GRIK2: variants seen among roughly 807,000 people sequenced by gnomAD.
GRIK2 encodes glutamate ionotropic receptor kainate type subunit 2.
Under a neutral mutation model 100.3 loss-of-function variants are expected in GRIK2, and 32 were observed. The observed-to-expected ratio is 0.32, with a 90% CI of 0.24 to 0.43. The LOEUF (loss-of-function observed/expected upper bound fraction) is 0.43. GRIK2 is among the 20% of genes least tolerant of loss of function. GRIK2 has a pLI of 1.00. For synonymous variants in GRIK2, 417 were observed against 389.4 expected (o/e 1.07, Z -0.83); for missense variants, 843 against 1,114.9 (o/e 0.76, Z 3.47).
chr6:102,035,941 A>G lies in GRIK2; in HGVS notation c.2311+375A>G, dbSNP rs182558935. 1.7e-3 allele frequency among the ~76,000 whole-genome samples: 263 copies of G among 151,454 alleles called. 1 individual carries two copies. Among genetic ancestry groups the G allele is most frequent in the Non-Finnish European group, 2.5e-3 (167 of 67,594 alleles). On this transcript the variant is annotated intron_variant, in intron 15 of 16. Coordinates refer to ENST00000369134, the MANE Select transcript of GRIK2 (RefSeq NM_021956.5). ...TTGTGGCTTACAAATATAGTATTTG[A>G]CTTAGAGAGTTAACGAAAATAAGTG... is the stretch of plus-strand genomic sequence containing the variant.
intron 2 of GRIK2, among the ~76,000 whole-genome samples, chr6:101,432,158 G>T (rs2128243254): frequency 6.6e-6 from 1 of 152,152 alleles, no homozygotes. Flanking sequence ...CTCTTGCCAG[G>T]ACCTTCTCCT....
rs553537253 is a variant in GRIK2, at chr6:102,015,337, T to A, written c.2086-20004T>A. 2.0e-5 allele frequency among the ~76,000 whole-genome samples: 3 copies of A among 152,290 alleles called. No individual in the cohort carries two copies. In the East Asian group the frequency reaches 5.8e-4, roughly 29 times the overall value. ...TTTTGAGCCAGTTACTGTGATTGCA[T>A]GTGAAATGGGTTTCCTGAAGACAGC... On this transcript the variant is annotated intron_variant, in intron 14 of 16. Transcript: ENST00000369134.
At chr6:101,945,104 G>A (rs1308637072) in intron 14 of GRIK2, among the ~76,000 whole-genome samples, 3 of 152,080 alleles carry the variant, frequency 2.0e-5, no homozygotes, top group Non-Finnish European at 4.4e-5. Context: ...ATTGCTTTTA[G>A]TACTTAGTTC....
intron 2 of GRIK2, among the ~76,000 whole-genome samples, chr6:101,585,938 T>G (rs1582772001): frequency 6.6e-6 from 1 of 152,144 alleles, no homozygotes; most frequent in South Asian, 2.1e-4. Context: ...GATTAACTTT[T>G]GAACAAGGGA....
intron 2 of GRIK2, among the ~76,000 whole-genome samples, chr6:101,411,278 A>G (rs752849958): frequency 9.2e-5 from 14 of 152,116 alleles, no homozygotes; most frequent in Non-Finnish European, 1.5e-4. Context: ...TATGTTTTAG[A>G]TAGGCATTCT....
chr6:101,711,211 A>G (rs1773672011), intron 7 of GRIK2, among the ~76,000 whole-genome samples: 1 of 151,906 alleles, frequency 6.6e-6, no homozygotes, highest in Non-Finnish European at 1.5e-5. Context: ...CTGAATGTTT[A>G]TGACTAAAAT....
intron 2 of GRIK2, among the ~76,000 whole-genome samples, chr6:101,542,194 T>A (rs1325975013): frequency 1.3e-5 from 2 of 151,930 alleles, no homozygotes; most frequent in African/African-American, 4.8e-5. Context: ...AAAGTAGAAC[T>A]AATCATAGTT....
intron 2 of GRIK2, among the ~76,000 whole-genome samples, chr6:101,402,991 C>G (rs1480168833): frequency 2.0e-5 from 3 of 152,126 alleles, no homozygotes; most frequent in Non-Finnish European, 2.9e-5. Context: ...TTACTTTAGC[C>G]GGTCCTTCTC....
In GRIK2 at chr6:101,814,269, G is replaced by GA. The variant is rs140602753; in HGVS notation, c.1204-4095dup. Among the ~76,000 whole-genome samples the GA allele has an allele frequency of 2.7e-3, 404 of 152,000 alleles. 3 individuals carry two copies. The highest frequency in any genetic ancestry group is 0.013 in the South Asian group (64 of 4,812). On this transcript the variant is annotated intron_variant, in intron 9 of 16. Coordinates refer to ENST00000369134, the MANE Select transcript of GRIK2 (RefSeq NM_021956.5). Reference sequence around the variant, plus strand: ...CAGTAAGAGAAAAAGTTAGGACATTGAAAAAATCTACTAAGGCACTAATTA... The same window carrying GA: ...CAGTAAGAGAAAAAGTTAGGACATTGAAAAAAATCTACTAAGGCACTAATTA...
At chr6:101,686,109 A>C in intron 6 of GRIK2, 71 bp from the exon 7 acceptor site, 1 of 1,287,594 alleles carries the variant, frequency 7.8e-7, no homozygotes, top group Admixed American at 2.2e-5. Flanking sequence ...AAAAAAAGTG[A>C]CTATTTCAGT....
At chr6:101,497,558 A>C (rs1773512898) in intron 2 of GRIK2, among the ~76,000 whole-genome samples, 1 of 152,024 alleles carries the variant, frequency 6.6e-6, no homozygotes, top group African/African-American at 2.4e-5. Flanking sequence ...GTTCCACCAG[A>C]TGGGAGGATA....
intron 7 of GRIK2, among the ~76,000 whole-genome samples, chr6:101,743,538 T>C (rs552933244): frequency 1.6e-4 from 24 of 152,286 alleles, no homozygotes; most frequent in African/African-American, 5.5e-4. Context: ...TCTTGGCCTT[T>C]AGAGGCTTCC....
chr6:101,597,082 C>A (rs1369468577), intron 2 of GRIK2, among the ~76,000 whole-genome samples: 1 of 151,800 alleles, frequency 6.6e-6, no homozygotes, highest in Non-Finnish European at 1.5e-5. Context: ...AAATTATGTC[C>A]TTTGCAGCAA....
intron 7 of GRIK2, among the ~76,000 whole-genome samples, chr6:101,708,227 A>G (rs1033991511): frequency 1.3e-5 from 2 of 151,754 alleles, no homozygotes; most frequent in Non-Finnish European, 2.9e-5. Context: ...ACTCTACAAT[A>G]TAGAGCTCAA....
chr6:101,517,477 A>T (rs1016054872), intron 2 of GRIK2, among the ~76,000 whole-genome samples: 1 of 152,134 alleles, frequency 6.6e-6, no homozygotes, highest in Non-Finnish European at 1.5e-5. Context: ...GACGATCAAG[A>T]ATTTTTACCT....
At chr6:101,963,415 A>T (rs1291375894) in intron 14 of GRIK2, among the ~76,000 whole-genome samples, 1 of 142,932 alleles carries the variant, frequency 7.0e-6, no homozygotes, top group Non-Finnish European at 1.5e-5. Context: ...CTCCTGCCTC[A>T]GTCTCCCGAG....
chr6:101,701,938 A>C lies in GRIK2; in HGVS notation c.951+15585A>C, dbSNP rs528190603. On this transcript the variant is annotated intron_variant, in intron 7 of 16. Coordinates refer to ENST00000369134, the MANE Select transcript of GRIK2 (RefSeq NM_021956.5). ...CACCTTCCCCTAACCGATTTGTAAGAGTAACCAAAGCTCTGTATCCACTGG... is the reference window on the plus strand; with the variant it reads ...CACCTTCCCCTAACCGATTTGTAAGCGTAACCAAAGCTCTGTATCCACTGG... 4.6e-5 allele frequency among the ~76,000 whole-genome samples: 7 copies of C among 152,174 alleles called. No individual in the cohort carries two copies. The East Asian group carries it at 7.8e-4, about 17-fold the overall frequency.
rs567620896 is a variant in GRIK2 at position 101,668,641 on chromosome 6, T to G, written c.542-7982T>G. On this transcript the variant is annotated intron_variant, in intron 4 of 16. Coordinates refer to ENST00000369134, the MANE Select transcript of GRIK2 (RefSeq NM_021956.5). ...TTTGTGTAGCTTATAATACAATGCA[T>G]TTTGGGTTGAGTCTGAGCTTGCATA... Among the ~76,000 whole-genome samples the G allele has an allele frequency of 6.8e-4, 103 of 152,220 alleles. 3 individuals are homozygous for G. Among genetic ancestry groups the G allele is most frequent in the Non-Finnish European group, 2.4e-4 (16 of 68,006 alleles).
intron 4 of GRIK2, among the ~76,000 whole-genome samples, chr6:101,656,780 C>T (rs554984007): frequency 1.3e-5 from 2 of 152,260 alleles, no homozygotes; most frequent in South Asian, 4.1e-4. Flanking sequence ...AGAAAGAGGA[C>T]TTAAGTCAGA....
Sources: gnomAD v4.1 joint callset for allele counts (sites outside exome capture counted in the v4.1 genomes callset) on GRCh38, gnomAD v4.1.1 for gene constraint, MANE v1.5 for transcripts, NCBI Gene and HGNC (gene_info 2026-07-23, HGNC 2026-07-21) for gene names.